NSMCE2: variants seen among roughly 807,000 people sequenced by gnomAD.
NSMCE2 encodes the protein NSE2 SUMO ligase component of SMC5/6 complex.
Under a neutral mutation model 23.8 loss-of-function variants are expected in NSMCE2, and 24 were observed. That is an observed-to-expected ratio of 1.01 (90% CI 0.73 to 1.42). NSMCE2 has a LOEUF of 1.42. Ranked by LOEUF, NSMCE2 falls within the 40% of genes most tolerant of loss-of-function variation. The probability of loss-of-function intolerance (pLI) is 0.00; values close to 1 mark genes in which losing one functional copy is unlikely to be tolerated. For synonymous variants in NSMCE2, 92 were observed against 94.1 expected (o/e 0.98, Z 0.13); for missense variants, 284 against 296.5 (o/e 0.96, Z 0.31).
chr8:125,305,908 T>G (rs945758623), intron 5 of NSMCE2, among the ~76,000 whole-genome samples: 1 of 152,052 alleles, frequency 6.6e-6, no homozygotes, highest in African/African-American at 2.4e-5. Context: ...ACAATAACAA[T>G]CAGTTGTAGT....
rs374815530 is a variant in NSMCE2, at chr8:125,151,024, A to AT, written c.158-140dup. ...GTTTTTTTTATTTTTTTTATTTTTT[A>AT]TTTTTTTGAGGAGGTTTTTTTAAAA... is the stretch of plus-strand genomic sequence containing the variant. On this transcript the variant is annotated intron_variant, in intron 3 of 7. Transcript: ENST00000287437. The AT allele has an allele frequency of 8.9e-4, 384 of 429,620 alleles. 2 individuals carry two copies. Among genetic ancestry groups the AT allele is most frequent in the African/African-American group, 7.5e-3 (365 of 48,734 alleles). The allele number at this position is 429,620 out of a possible 1,614,324, so 26.6% of individuals were successfully genotyped here. A position where few individuals can be genotyped will look rare whatever the true frequency, so the allele number is the denominator to read the frequency against.
intron 5 of NSMCE2, among the ~76,000 whole-genome samples, chr8:125,307,999 CTG>C (rs1008541652): frequency 5.3e-5 from 8 of 152,218 alleles, no homozygotes; most frequent in African/African-American, 1.7e-4. Flanking sequence ...TCTGACAACA[CTG>C]TGTCTTCCCT....
chr8:125,169,440 G>A (rs963596126), intron 4 of NSMCE2, among the ~76,000 whole-genome samples: 10 of 152,302 alleles, frequency 6.6e-5, no homozygotes, highest in African/African-American at 1.9e-4. Context: ...GTGTCCCACA[G>A]TGACGTTTTC....
chr8:125,317,489 AC>A (rs1264258102), intron 5 of NSMCE2, among the ~76,000 whole-genome samples: 2 of 152,100 alleles, frequency 1.3e-5, no homozygotes, highest in Non-Finnish European at 2.9e-5. Flanking sequence ...GCACCACCAC[AC>A]CTGACCAAGA....
chr8:125,093,443 C>CT, intron 1 of NSMCE2, among the ~76,000 whole-genome samples: 1 of 152,288 alleles, frequency 6.6e-6, no homozygotes, highest in South Asian at 2.1e-4. Flanking sequence ...AATCCCAGCA[C>CT]TTTGGGAGGC....
chr8:125,339,121 G>T (rs1309037973), intron 5 of NSMCE2, among the ~76,000 whole-genome samples: 2 of 152,070 alleles, frequency 1.3e-5, no homozygotes, highest in Non-Finnish European at 2.9e-5. Context: ...TTGGAGGAAG[G>T]GACACTGCTC....
intron 5 of NSMCE2, among the ~76,000 whole-genome samples, chr8:125,272,754 C>A (rs189239219): frequency 7.1e-6 from 1 of 139,936 alleles, no homozygotes; most frequent in African/African-American, 2.7e-5. Context: ...TATATACACA[C>A]GTATATATAT....
intron 3 of NSMCE2, among the ~76,000 whole-genome samples, chr8:125,142,609 G>GTT (rs879765827): frequency 0.015 from 2,211 of 146,340 alleles, 43 homozygotes; most frequent in African/African-American, 0.053. Flanking sequence ...TGTGTATTCA[G>GTT]TTTTTTTTTT....
At chr8:125,102,884 T>A (rs1208406171) in intron 3 of NSMCE2, among the ~76,000 whole-genome samples, 2 of 152,192 alleles carry the variant, frequency 1.3e-5, no homozygotes, top group Non-Finnish European at 2.9e-5. Flanking sequence ...ATGCTAGGGA[T>A]ACCAGCAAAG....
chr8:125,260,308 A>G (rs1011342951), intron 5 of NSMCE2, among the ~76,000 whole-genome samples: 1 of 152,148 alleles, frequency 6.6e-6, no homozygotes, highest in Non-Finnish European at 1.5e-5. Flanking sequence ...GTTTTTCAGA[A>G]TGGAATCAGG....
At chr8:125,184,015 A>G (rs1178603492) in intron 5 of NSMCE2, among the ~76,000 whole-genome samples, 1 of 151,642 alleles carries the variant, frequency 6.6e-6, no homozygotes, top group African/African-American at 2.4e-5. Flanking sequence ...CAATTTTTCA[A>G]TCTTGAAAAA....
chr8:125,357,724 A>C lies in NSMCE2; in HGVS notation c.532A>C (p.Lys178Gln), dbSNP rs747814821. ...TCPITKEEMKKPVKNKVCGHT... is the reference protein window; with the variant it reads ...TCPITKEEMKQPVKNKVCGHT... Reference sequence around the variant, plus strand: ...TCCTTGATTACAGGAGGAAATGAAGAAGCCAGTGAAAAATAAAGTGTGTGG... The same window carrying C: ...TCCTTGATTACAGGAGGAAATGAAGCAGCCAGTGAAAAATAAAGTGTGTGG... The change falls in exon 7 of 8, where the codon AAG becomes CAG. Residue 178 changes from lysine (K) to glutamine (Q), a missense_variant. Physicochemically the swap from Lys to Gln is moderately conservative, Grantham distance 53. Coordinates refer to ENST00000287437, the MANE Select transcript of NSMCE2 (RefSeq NM_173685.4). The C allele has an allele frequency of 2.5e-6, 4 of 1,612,658 alleles. No homozygotes were observed. The highest frequency in any genetic ancestry group is 3.4e-6 in the Non-Finnish European group (4 of 1,178,616).
intron 3 of NSMCE2, among the ~76,000 whole-genome samples, chr8:125,115,912 G>A (rs533491589): frequency 8.5e-5 from 13 of 152,174 alleles, no homozygotes; most frequent in Non-Finnish European, 1.5e-4. Flanking sequence ...GGAAATCACT[G>A]AAAGAGGTCA....
chr8:125,206,277 G>T (rs1457797074), intron 5 of NSMCE2, among the ~76,000 whole-genome samples: 2 of 152,202 alleles, frequency 1.3e-5, no homozygotes, highest in Admixed American at 1.3e-4. Flanking sequence ...GATTACAAGG[G>T]TAAGTTGGGA....
At chr8:125,095,195 G>A (rs1817871563) in intron 1 of NSMCE2, among the ~76,000 whole-genome samples, 1 of 151,964 alleles carries the variant, frequency 6.6e-6, no homozygotes, top group Non-Finnish European at 1.5e-5. Flanking sequence ...CTATCATATT[G>A]GACAGTGCAG....
intron 5 of NSMCE2, among the ~76,000 whole-genome samples, chr8:125,251,518 T>G (rs1328358115): frequency 6.6e-6 from 1 of 152,164 alleles, no homozygotes; most frequent in Non-Finnish European, 1.5e-5. Flanking sequence ...GTAGACTCAG[T>G]GAATATGGGT....
intron 5 of NSMCE2, among the ~76,000 whole-genome samples, chr8:125,261,704 G>A (rs1353808852): frequency 1.3e-5 from 2 of 149,604 alleles, no homozygotes; most frequent in African/African-American, 4.9e-5. Flanking sequence ...ATAGGTCAGG[G>A]AAAATATCCA....
At chr8:125,340,975 TG>T (rs1360535067) in intron 5 of NSMCE2, among the ~76,000 whole-genome samples, 1 of 152,232 alleles carries the variant, frequency 6.6e-6, no homozygotes, top group Admixed American at 6.5e-5. Context: ...CTCCTTTATT[TG>T]CTCCTGAATT....
At chr8:125,297,073 G>A (rs529463129) in intron 5 of NSMCE2, among the ~76,000 whole-genome samples, 12 of 151,940 alleles carry the variant, frequency 7.9e-5, no homozygotes, top group Non-Finnish European at 1.5e-4. Context: ...CACTTCACTG[G>A]GCCATTTTAC....
Sources: gnomAD v4.1 joint callset for allele counts (sites outside exome capture counted in the v4.1 genomes callset) on GRCh38, gnomAD v4.1.1 for gene constraint, MANE v1.5 for transcripts, NCBI Gene and HGNC (gene_info 2026-07-23, HGNC 2026-07-21) for gene names.